Variants in PDLIM2 observed in about 807,000 individuals in gnomAD.
The protein encoded by PDLIM2 is PDZ and LIM domain protein 2.
In PDLIM2, 51 loss-of-function variants were observed where a neutral mutation model predicts 54.1. That is an observed-to-expected ratio of 0.94 (90% CI 0.75 to 1.19). PDLIM2 has a LOEUF of 1.19. PDLIM2 is among the 50% of genes most tolerant of loss of function. The pLI is 0.00. For synonymous variants in PDLIM2, 398 were observed against 385.6 expected, an observed-to-expected ratio of 1.03 and a Z score of -0.38; for missense variants, 912 against 874.0, an observed-to-expected ratio of 1.04 and a Z score of -0.55.
intron 9 of PDLIM2, chr8:22,592,695 C>G (rs1800586339): frequency 6.6e-6 from 1 of 152,166 alleles, no homozygotes. Context: ...GGCCCCACCC[C>G]AGAGCCTCCT....
exon 1 of PDLIM2, chr8:22,579,112 C>T: frequency 7.8e-7 from 1 of 1,274,054 alleles, no homozygotes; most frequent in African/African-American, 1.5e-5. Context: ...GTCCGGGAGC[C>T]CCGGGCGGGC....
At chr8:22,580,773 G>A in intron 2 of PDLIM2, 76 bp downstream of exon 1, 1 of 1,458,886 alleles carries the variant, frequency 6.9e-7, no homozygotes, top group South Asian at 1.2e-5. Context: ...ACTCTGCACA[G>A]ATGGCTTGCT....
intron 6 of PDLIM2, chr8:22,588,933 AG>A (rs1211272876): frequency 1.2e-5 from 4 of 332,840 alleles, no homozygotes; most frequent in Non-Finnish European, 2.2e-5. Flanking sequence ...GATCGGAGCC[AG>A]GCCCCAGTGT....
chr8:22,585,325 C>T lies in PDLIM2; in HGVS notation c.1216C>T (p.Gln406Ter). The T allele has an allele frequency of 6.2e-7, 1 of 1,612,996 alleles. No individual in the cohort carries two copies. The highest frequency in any genetic ancestry group is 8.5e-7 in the Non-Finnish European group (1 of 1,179,890). Residue 406 changes from glutamine to a stop codon, truncating the protein, a stop_gained, in exon 6 of 10, where the codon CAG becomes TAG. Transcript: ENST00000308354. LOFTEE classifies it high-confidence loss of function. ...CTGTCCCTTTCCCACTTTCAGCTTC[C>T]AGAGTCTGGCATGTTCCCCGGGCCT...
chr8:22,580,927 T>C, intron 2 of PDLIM2: 1 of 692,910 alleles, frequency 1.4e-6, no homozygotes, highest in Non-Finnish European at 2.7e-6. Context: ...CAGGGCCGGC[T>C]CTTGCCTCCC....
At chr8:22,586,229 G>T (rs1473273866) in intron 6 of PDLIM2, among the ~76,000 whole-genome samples, 1 of 152,240 alleles carries the variant, frequency 6.6e-6, no homozygotes, top group Non-Finnish European at 1.5e-5. Context: ...GAAGGAGCAG[G>T]ATCTTTCTGG....
At chr8:22,589,501 T>TGCC in intron 7 of PDLIM2, 95 bp from the exon 7 acceptor site, 6 of 1,503,326 alleles carry the variant, frequency 4.0e-6, no homozygotes, top group Non-Finnish European at 5.4e-6. Flanking sequence ...CCCAGATTCC[T>TGCC]CCCCCTCCCC....
intron 5 of PDLIM2, 50 bp from the exon 5 acceptor site, chr8:22,585,271 G>C (rs770977862): frequency 6.2e-7 from 1 of 1,604,172 alleles, no homozygotes; most frequent in South Asian, 1.1e-5. Flanking sequence ...CATCCTCCCT[G>C]GGCAGGCTGG....
At chr8:22,583,648 C>T (rs1009859090) in intron 3 of PDLIM2, among the ~76,000 whole-genome samples, 6 of 151,848 alleles carry the variant, frequency 4.0e-5, no homozygotes, top group South Asian at 2.1e-4. Flanking sequence ...CACCTGTAGT[C>T]CCAGCTACCT....
At chr8:22,585,065 T>A (rs1800334601) in exon 5 of PDLIM2, 1 of 1,613,900 alleles carries the variant, frequency 6.2e-7, no homozygotes, top group Non-Finnish European at 8.5e-7. Flanking sequence ...AAGGTCCTCC[T>A]ACTCCAGCCC....
At chr8:22,585,160 C>T (rs778579254) in exon 5 of PDLIM2, 4 of 1,613,098 alleles carry the variant, frequency 2.5e-6, no homozygotes, top group Admixed American at 3.3e-5. Flanking sequence ...CCATCAGCCG[C>T]AGGTGAGTGT....
chr8:22,586,083 G>A (rs1444060077), intron 6 of PDLIM2, among the ~76,000 whole-genome samples: 1 of 152,182 alleles, frequency 6.6e-6, no homozygotes, highest in Non-Finnish European at 1.5e-5. Context: ...CGGCGTGGGG[G>A]GCACGTCCAG....
downstream of PDLIM2, chr8:22,595,357 G>A (rs1046230481): frequency 1.3e-5 from 2 of 152,262 alleles, no homozygotes; most frequent in African/African-American, 4.8e-5. Flanking sequence ...ATGAGCCCCA[G>A]GCGCTGGTCA....
At chr8:22,592,069 TTTC>T (rs1363367596) in intron 9 of PDLIM2, 2 of 136,060 alleles carry the variant, frequency 1.5e-5, no homozygotes, top group Non-Finnish European at 3.0e-5. Flanking sequence ...CTTTTCTTTC[TTTC>T]TTTTCTTTTT....
exon 1 of PDLIM2, chr8:22,579,128 C>T: frequency 1.5e-6 from 2 of 1,304,060 alleles, no homozygotes; most frequent in Non-Finnish European, 1.9e-6. Flanking sequence ...CGGGCTCTCC[C>T]CAGAGTCGGG....
intron 2 of PDLIM2, chr8:22,581,053 G>C (rs1800186064): frequency 3.0e-6 from 2 of 664,402 alleles, no homozygotes; most frequent in Non-Finnish European, 5.7e-6. Flanking sequence ...ATTCACAGGA[G>C]GGCTGTGCAG....
intron 8 of PDLIM2, chr8:22,590,145 G>A: frequency 5.1e-6 from 1 of 195,064 alleles, no homozygotes; most frequent in Non-Finnish European, 1.1e-5. Context: ...TGTGGAAGGT[G>A]GAGGCTGGCG....
chr8:22,579,358 G>GC lies in PDLIM2; in HGVS notation c.584dup (p.Arg196AlafsTer32). 2.7e-6 allele frequency: 4 copies of GC among 1,468,790 alleles called. No individual in the cohort carries two copies. The highest frequency in any genetic ancestry group is 1.8e-6 in the Non-Finnish European group (2 of 1,117,140). The allele number at this position is 1,468,790 out of a possible 1,614,324, so 91.0% of individuals were successfully genotyped here. ...CCTGGAGCCTCGCATCAGCGGGGGC[G>GC]CCCCCGCGAGCTGCGCTCTCCCCGG... On this transcript the variant is annotated frameshift_variant, in exon 1 of 10. Coordinates refer to ENST00000308354, the Ensembl canonical transcript of PDLIM2. LOFTEE classifies it high-confidence loss of function.
chr8:22,596,343 G>A (rs972571405), downstream of PDLIM2: 1 of 152,130 alleles, frequency 6.6e-6, no homozygotes, highest in African/African-American at 2.4e-5. Flanking sequence ...TTGTTCTTTG[G>A]TGTGGCAGCC....
Sources: allele counts gnomAD v4.1 joint callset (sites outside exome capture counted in the v4.1 genomes callset), GRCh38; gene constraint gnomAD v4.1.1; transcripts MANE v1.5; gene names NCBI Gene and HGNC (gene_info 2026-07-23, HGNC 2026-07-21).